Variants in ENOX1 observed in about 807,000 individuals in gnomAD.
The protein encoded by ENOX1 is ecto-NOX disulfide-thiol exchanger 1, also known as candidate growth-related and time keeping constitutive hydroquinone (NADH) oxidase.
In ENOX1, 42 loss-of-function variants were observed where a neutral mutation model predicts 82.5. The observed-to-expected ratio is 0.51, with a 90% CI of 0.40 to 0.66. The LOEUF (loss-of-function observed/expected upper bound fraction) is 0.66. Ranked by LOEUF, ENOX1 falls within the 30% of genes least tolerant of loss-of-function variation. ENOX1 has a pLI of 0.00. For missense variants in ENOX1, 608 were observed against 811.6 expected (o/e 0.75, Z 3.05); for synonymous variants, 271 against 282.2 (o/e 0.96, Z 0.40).
At chr13:43,408,432 G>A (rs1019716816) in intron 5 of ENOX1, among the ~76,000 whole-genome samples, 1 of 152,184 alleles carries the variant, frequency 6.6e-6, no homozygotes, top group Non-Finnish European at 1.5e-5. Flanking sequence ...ATAAAATCCA[G>A]CCTCTCCATA....
chr13:43,340,055 A>G (rs1473565631), intron 9 of ENOX1, among the ~76,000 whole-genome samples: 2 of 152,242 alleles, frequency 1.3e-5, no homozygotes, highest in Non-Finnish European at 2.9e-5. Flanking sequence ...AGACACAAAC[A>G]TAGCTCCACT....
chr13:43,402,098 A>G (rs1466174760), intron 5 of ENOX1, among the ~76,000 whole-genome samples: 1 of 152,224 alleles, frequency 6.6e-6, no homozygotes, highest in Non-Finnish European at 1.5e-5. Flanking sequence ...TGTCACAGAT[A>G]ATAGAATCAG....
chr13:43,596,056 G>A (rs1051075888), intron 2 of ENOX1, among the ~76,000 whole-genome samples: 2 of 152,126 alleles, frequency 1.3e-5, no homozygotes, highest in African/African-American at 4.8e-5. Context: ...AAACACAGAT[G>A]TTATACCAAA....
chr13:43,415,811 C>T (rs1160383214), intron 3 of ENOX1, among the ~76,000 whole-genome samples: 1 of 152,104 alleles, frequency 6.6e-6, no homozygotes, highest in Non-Finnish European at 1.5e-5. Flanking sequence ...GGCAGAAGCG[C>T]TCCTCACTTC....
Position 43,240,655 on chromosome 13 carries a change from C to T in ENOX1, c.1612-3917G>A, listed in dbSNP as rs371417765. 8.0e-4 allele frequency among the ~76,000 whole-genome samples: 122 copies of T among 152,130 alleles called. 1 individual carries two copies. The highest frequency in any genetic ancestry group is 2.9e-3 in the African/African-American group (119 of 41,524). ...GTGAATAGGCAAATGGAGAAAGAAG[C>T]TAGTCTGGGAGAAGATTGTGTGTTC... On this transcript the variant is annotated intron_variant, in intron 14 of 16. Transcript: ENST00000690772.
intron 2 of ENOX1, among the ~76,000 whole-genome samples, chr13:43,660,985 C>T (rs534637472): frequency 1.3e-5 from 2 of 152,194 alleles, no homozygotes; most frequent in South Asian, 4.1e-4. Flanking sequence ...GATGTTGAAA[C>T]AATTTTTTAA....
intron 2 of ENOX1, among the ~76,000 whole-genome samples, chr13:43,574,359 C>T (rs2080321608): frequency 6.6e-6 from 1 of 152,090 alleles, no homozygotes; most frequent in African/African-American, 2.4e-5. Context: ...TTTTCCCGTC[C>T]AATTAGTAAA....
chr13:43,712,589 T>C (rs1486950352), intron 1 of ENOX1, among the ~76,000 whole-genome samples: 3 of 148,346 alleles, frequency 2.0e-5, no homozygotes, highest in African/African-American at 4.9e-5. Context: ...CTCTTTTATT[T>C]CATTGAGCGG....
rs554358712 is a variant in ENOX1 at position 43,659,483 on chromosome 13, C to T, written c.-219+7996G>A. 2.7e-5 allele frequency among the ~76,000 whole-genome samples: 4 copies of T among 149,212 alleles called. No homozygotes were observed. The East Asian group carries it at 8.5e-4, about 32-fold the overall frequency. On this transcript the variant is annotated intron_variant, in intron 2 of 16. Coordinates refer to ENST00000690772, the MANE Select transcript of ENOX1 (RefSeq NM_001347969.2). Reference sequence around the variant, plus strand: ...CCAGCCTGGACGACAGAGTGAAACCCTGTGTAAAAAAAAAAAAAATTTTCT... The same window carrying T: ...CCAGCCTGGACGACAGAGTGAAACCTTGTGTAAAAAAAAAAAAAATTTTCT...
chr13:43,459,811 G>A (rs2057385365), intron 3 of ENOX1, among the ~76,000 whole-genome samples: 3 of 152,108 alleles, frequency 2.0e-5, no homozygotes, highest in Admixed American at 6.6e-5. Flanking sequence ...GACCAACATC[G>A]TGAAACCCCA....
At chr13:43,669,110 G>C (rs1353782292) in intron 1 of ENOX1, among the ~76,000 whole-genome samples, 1 of 152,194 alleles carries the variant, frequency 6.6e-6, no homozygotes, top group African/African-American at 2.4e-5. Flanking sequence ...AGGAATAGCA[G>C]AACTGTACCT....
At chr13:43,581,991 A>G (rs984327097) in intron 2 of ENOX1, among the ~76,000 whole-genome samples, 4 of 152,240 alleles carry the variant, frequency 2.6e-5, no homozygotes, top group African/African-American at 9.6e-5. Context: ...CCCTGGAAAC[A>G]CAGAACACAC....
chr13:43,769,421 A>AT (rs200429126), intron 1 of ENOX1, among the ~76,000 whole-genome samples: 12,116 of 149,484 alleles, frequency 0.081, 714 homozygotes, highest in African/African-American at 0.17. Context: ...TTCTAAGTTA[A>AT]TTTTTTTTTT....
chr13:43,652,083 A>G (rs1378395598), intron 2 of ENOX1, among the ~76,000 whole-genome samples: 1 of 152,170 alleles, frequency 6.6e-6, no homozygotes, highest in African/African-American at 2.4e-5. Flanking sequence ...AAATTAGTAT[A>G]TAATGCCTAC....
rs1014391980 is a variant in ENOX1, at chr13:43,438,006, C to G, written c.-74-25018G>C. ...ACCTTAAAATGTGTTTCAGGCATGA[C>G]AACACTATGATCAAAAATACTTCTG... On this transcript the variant is annotated intron_variant, in intron 3 of 16. Coordinates refer to ENST00000690772, the MANE Select transcript of ENOX1 (RefSeq NM_001347969.2). Among the ~76,000 whole-genome samples, 7 of 152,224 alleles carry G rather than the reference C, an allele frequency of 4.6e-5. No homozygotes were observed. In the East Asian group the frequency reaches 1.4e-3, roughly 29 times the overall value.
In ENOX1 at chr13:43,783,415, CAAAG is replaced by C. The variant is rs112356626; in HGVS notation, c.-285+3233_-285+3236del. Among the ~76,000 whole-genome samples, 1,312 of 151,850 alleles carry C rather than the reference CAAAG, an allele frequency of 8.6e-3. 7 individuals carry two copies. The highest frequency in any genetic ancestry group is 0.024 in the Middle Eastern group (7 of 294). On this transcript the variant is annotated intron_variant, in intron 1 of 16. Coordinates refer to ENST00000690772, the MANE Select transcript of ENOX1 (RefSeq NM_001347969.2). ...TTGCAAATGTTATGTAAATAAAAAACAAAGAAAGAATAATCAAGGAGAGAAATGA... is the reference window on the plus strand; with the variant it reads ...TTGCAAATGTTATGTAAATAAAAAACAAAGAATAATCAAGGAGAGAAATGA...
At chr13:43,723,514 C>A (rs1003303998) in intron 1 of ENOX1, among the ~76,000 whole-genome samples, 4 of 152,084 alleles carry the variant, frequency 2.6e-5, no homozygotes, top group Non-Finnish European at 5.9e-5. Flanking sequence ...CGACTCTATC[C>A]GCTATTCCTA....
intron 6 of ENOX1, among the ~76,000 whole-genome samples, chr13:43,360,709 G>T (rs1405630404): frequency 2.3e-5 from 1 of 42,906 alleles, no homozygotes; most frequent in Non-Finnish European, 5.0e-5. Context: ...TAATATGAAT[G>T]ACAAAAAAAA....
intron 2 of ENOX1, among the ~76,000 whole-genome samples, chr13:43,501,861 C>A (rs1211099221): frequency 6.8e-6 from 1 of 146,688 alleles, no homozygotes; most frequent in Admixed American, 6.8e-5. Flanking sequence ...ACAAACCAGG[C>A]CAAAAGCTAA....
Sources: gnomAD v4.1 joint callset for allele counts (sites outside exome capture counted in the v4.1 genomes callset) on GRCh38, gnomAD v4.1.1 for gene constraint, MANE v1.5 for transcripts, NCBI Gene and HGNC (gene_info 2026-07-23, HGNC 2026-07-21) for gene names.